BANP: variants seen among roughly 807,000 people sequenced by gnomAD.
BANP encodes protein BANP.
A neutral mutation model predicts 68.1 loss-of-function variants in BANP; 11 were observed. That is an observed-to-expected ratio of 0.16 (90% CI 0.10 to 0.27). BANP has a LOEUF of 0.27. Ranked by LOEUF, BANP falls within the 10% of genes least tolerant of loss-of-function variation. The pLI is 1.00. For missense variants in BANP, 504 were observed against 722.7 expected, an observed-to-expected ratio of 0.70 and a Z score of 3.47; for synonymous variants, 329 against 303.2, an observed-to-expected ratio of 1.09 and a Z score of -0.88.
Position 88,006,142 on chromosome 16 carries a change from G to A in BANP, c.532G>A (p.Glu178Lys). 1 of 1,614,114 alleles carries A rather than the reference G, an allele frequency of 6.2e-7. No homozygotes were observed. The highest frequency in any genetic ancestry group is 8.5e-7 in the Non-Finnish European group (1 of 1,179,992). Residue 178 changes from glutamate to lysine, a missense_variant, in exon 6 of 14, where the codon GAA (glutamate) becomes AAA (lysine). Transcript: ENST00000682872. ...NTIVVKVPGQEDSHHEDGESG... is the reference protein window; with the variant it reads ...NTIVVKVPGQKDSHHEDGESG... ...CATTGTGGTGAAGGTGCCGGGCCAA[G>A]AAGACAGCCACCACGAGGACGGGGA...
chr16:87,980,660 G>A (rs2063085915), intron 2 of BANP: 3 of 225,814 alleles, frequency 1.3e-5, no homozygotes, highest in Admixed American at 1.1e-4. Flanking sequence ...TTTGGAATGA[G>A]GTGACCAACA....
chr16:88,013,938 C>T (rs1345799855), intron 6 of BANP, among the ~76,000 whole-genome samples: 1 of 152,118 alleles, frequency 6.6e-6, no homozygotes, highest in Non-Finnish European at 1.5e-5. Flanking sequence ...TGGGGTGGGT[C>T]AGCACTCATA....
intron 4 of BANP, among the ~76,000 whole-genome samples, chr16:87,996,694 C>T (rs953044759): frequency 2.1e-4 from 32 of 152,332 alleles, no homozygotes; most frequent in East Asian, 1.7e-3. Flanking sequence ...TCCTGGGCGC[C>T]GGCTGGGCTC....
Position 88,003,619 on chromosome 16 carries a change from C to A in BANP, c.363-676C>A. 1 of 443,748 alleles carries A rather than the reference C, an allele frequency of 2.3e-6. No individual in the cohort carries two copies. The allele number at this position is 443,748 out of a possible 1,614,324, so 27.5% of individuals were successfully genotyped here. ...TAGCTGCCGCCTGTCTGAACACACT[C>A]GTGCTTCCTCCAGGGTGGCGCCAGG... On this transcript the variant is annotated intron_variant, in intron 4 of 13. Transcript: ENST00000682872. The surrounding 1 kb of genome is among the most constrained non-coding windows in gnomAD (Gnocchi z 6.1).
At chr16:88,048,731 C>T (rs1325357116) in intron 11 of BANP, among the ~76,000 whole-genome samples, 1 of 150,624 alleles carries the variant, frequency 6.6e-6, no homozygotes, top group Non-Finnish European at 1.5e-5. Context: ...TTCTTGGTAT[C>T]AAATCGGCAC....
intron 4 of BANP, among the ~76,000 whole-genome samples, chr16:87,992,640 A>G (rs2066144202): frequency 1.3e-5 from 2 of 152,070 alleles, no homozygotes; most frequent in African/African-American, 4.8e-5. Flanking sequence ...CTAAAAATAC[A>G]AAAATTAGCC....
At chr16:88,058,977 C>T (rs1458324659) in intron 11 of BANP, among the ~76,000 whole-genome samples, 2 of 152,096 alleles carry the variant, frequency 1.3e-5, no homozygotes, top group Non-Finnish European at 2.9e-5. Flanking sequence ...CTGCTTTCGG[C>T]AGCTGCTCCT....
At chr16:88,053,352 C>T (rs1318272634) in intron 11 of BANP, among the ~76,000 whole-genome samples, 1 of 151,822 alleles carries the variant, frequency 6.6e-6, no homozygotes, top group Non-Finnish European at 1.5e-5. Flanking sequence ...CCAACACAAC[C>T]ACCCTAACAG....
intron 6 of BANP, among the ~76,000 whole-genome samples, chr16:88,007,746 A>G (rs2071670721): frequency 6.6e-6 from 1 of 152,212 alleles, no homozygotes; most frequent in African/African-American, 2.4e-5. Context: ...CGTATCTGAA[A>G]CATTGAAAAC....
chr16:88,059,483 T>C (rs1385713697), intron 11 of BANP, among the ~76,000 whole-genome samples: 2 of 152,132 alleles, frequency 1.3e-5, no homozygotes, highest in Admixed American at 6.5e-5. Flanking sequence ...TGTTTTCAAT[T>C]AAGCCCAAGT....
intron 11 of BANP, among the ~76,000 whole-genome samples, chr16:88,059,321 G>A (rs1423946265): frequency 6.6e-6 from 1 of 151,990 alleles, no homozygotes; most frequent in East Asian, 1.9e-4. Flanking sequence ...AGTGCTTGCT[G>A]TTCCTGGGCT....
In BANP at chr16:88,016,844, C is replaced by T. The variant is rs555234033; in HGVS notation, c.656-1584C>T. On this transcript the variant is annotated intron_variant, in intron 6 of 13. Coordinates refer to ENST00000682872, the MANE Select transcript of BANP (RefSeq NM_001386991.1). ...GTACTTCTAAACCACCTCTGAGCAT[C>T]GATGCTCCTTACTCATCTGTGTCCT... Among the ~76,000 whole-genome samples, 11 of 152,332 alleles carry T rather than the reference C, an allele frequency of 7.2e-5. No homozygotes were observed. In the South Asian group the frequency reaches 1.7e-3, roughly 23 times the overall value.
chr16:88,038,095 TGAGTGCCCTGGTCCCCATGTACA>T, intron 11 of BANP, 84 bp downstream of exon 11: 1 of 1,370,210 alleles, frequency 7.3e-7, no homozygotes, highest in South Asian at 1.2e-5. Flanking sequence ...GACGGTCAGG[TGAGTGCCCTGGTCCCCATGTACA>T]TGTGGGCATT....
At chr16:88,063,515 T>G (rs2087522046) in intron 11 of BANP, among the ~76,000 whole-genome samples, 1 of 152,264 alleles carries the variant, frequency 6.6e-6, no homozygotes, top group South Asian at 2.1e-4. Flanking sequence ...TCAGCCCGTC[T>G]GTGGGGTGAC....
At chr16:88,001,159 T>TCCAGATAC (rs1250527428) in intron 4 of BANP, among the ~76,000 whole-genome samples, 1 of 106,526 alleles carries the variant, frequency 9.4e-6, no homozygotes, top group Non-Finnish European at 1.8e-5. Flanking sequence ...TACCTGTCCT[T>TCCAGATAC]CCAGACACAT....
At chr16:88,040,114 G>A (rs930680102) in intron 11 of BANP, among the ~76,000 whole-genome samples, 5 of 152,164 alleles carry the variant, frequency 3.3e-5, no homozygotes, top group Non-Finnish European at 7.3e-5. Flanking sequence ...CAGGGTAGCG[G>A]GCGGAATCTT....
chr16:88,071,093 A>T lies in BANP; in HGVS notation c.1378-976A>T, dbSNP rs1209438152. 1 of 260,374 alleles carries T rather than the reference A, an allele frequency of 3.8e-6. No individual in the cohort carries two copies. The highest frequency in any genetic ancestry group is 5.2e-5 in the Admixed American group (1 of 19,356). 16.1% of individuals were successfully genotyped at this position (260,374 alleles called of 1,614,324 possible). The stretch of plus-strand genomic sequence containing the variant: ...GTCCAGGGCAGGTCCCACGGAGGGG[A>T]TGCTGCGGCCAGGCTCCGTGGGGTG... On this transcript the variant is annotated intron_variant, in intron 12 of 13. Transcript: ENST00000682872. The surrounding 1 kb of genome is among the most constrained non-coding windows in gnomAD (Gnocchi z 6.5).
intron 1 of BANP, among the ~76,000 whole-genome samples, chr16:87,971,103 C>T (rs918764598): frequency 2.0e-5 from 3 of 151,378 alleles, no homozygotes; most frequent in African/African-American, 4.9e-5. Flanking sequence ...GAAAATTGCT[C>T]AGAAAGAACT....
At chr16:88,031,202 G>A (rs911130547) in intron 8 of BANP, among the ~76,000 whole-genome samples, 2 of 152,222 alleles carry the variant, frequency 1.3e-5, no homozygotes, top group Non-Finnish European at 2.9e-5. Flanking sequence ...CACTGGAGGT[G>A]CTCAGGTGGA....
Sources: allele counts gnomAD v4.1 joint callset (sites outside exome capture counted in the v4.1 genomes callset), GRCh38; gene constraint gnomAD v4.1.1; non-coding constraint Gnocchi (gnomAD v3.1); transcripts MANE v1.5; gene names NCBI Gene and HGNC (gene_info 2026-07-23, HGNC 2026-07-21).